Variants in STAG1 observed in about 807,000 individuals in gnomAD.
The protein encoded by STAG1 is cohesin subunit SA-1.
Under a neutral mutation model 170.9 loss-of-function variants are expected in STAG1, and 26 were observed. The observed-to-expected ratio is 0.15, with a 90% CI of 0.11 to 0.21. The LOEUF is 0.21. Ranked by LOEUF, STAG1 falls within the 10% of genes least tolerant of loss-of-function variation. The pLI is 1.00. For synonymous variants in STAG1, 514 were observed against 497.7 expected (o/e 1.03, Z -0.44); for missense variants, 964 against 1,509.5 (o/e 0.64, Z 5.99).
chr3:136,694,099 A>G (rs1942808161), intron 1 of STAG1, among the ~76,000 whole-genome samples: 1 of 152,172 alleles, frequency 6.6e-6, no homozygotes, highest in Non-Finnish European at 1.5e-5. Context: ...ATGGTTATGA[A>G]CCAGTTCATT....
chr3:136,576,951 T>C (rs978564090), intron 4 of STAG1, among the ~76,000 whole-genome samples: 1 of 152,198 alleles, frequency 6.6e-6, no homozygotes, highest in Non-Finnish European at 1.5e-5. Flanking sequence ...TTCGTTTGCT[T>C]TGGATTAAAG....
At chr3:136,546,927 G>A (rs187746236) in intron 5 of STAG1, among the ~76,000 whole-genome samples, 1 of 152,086 alleles carries the variant, frequency 6.6e-6, no homozygotes, top group South Asian at 2.1e-4. Flanking sequence ...ATGTCACTAG[G>A]GGTCCCAGAT....
intron 22 of STAG1, among the ~76,000 whole-genome samples, chr3:136,383,103 C>G (rs1938067309): frequency 6.6e-6 from 1 of 152,086 alleles, no homozygotes; most frequent in Non-Finnish European, 1.5e-5. Flanking sequence ...TTGAGGAAGG[C>G]TGCCATTACT....
intron 2 of STAG1, among the ~76,000 whole-genome samples, chr3:136,625,459 A>G (rs1435979777): frequency 1.3e-5 from 2 of 152,180 alleles, no homozygotes; most frequent in African/African-American, 4.8e-5. Flanking sequence ...CAAATTCACC[A>G]AATGCCACAT....
chr3:136,527,955 C>T (rs1303713536), intron 6 of STAG1, among the ~76,000 whole-genome samples: 1 of 152,106 alleles, frequency 6.6e-6, no homozygotes. Context: ...AGCTTCATCT[C>T]AGAGGGTTAT....
chr3:136,376,880 T>A, intron 23 of STAG1, among the ~76,000 whole-genome samples: 1 of 151,730 alleles, frequency 6.6e-6, no homozygotes, highest in Admixed American at 6.6e-5. Context: ...AACCTCTGTC[T>A]CCCGGGTTCA....
chr3:136,564,021 G>GA (rs1001396844), intron 5 of STAG1, among the ~76,000 whole-genome samples: 20 of 147,738 alleles, frequency 1.4e-4, no homozygotes, highest in South Asian at 2.2e-4. Flanking sequence ...AGACTGTCTC[G>GA]AAAAAAAAAA....
chr3:136,367,798 T>C (rs1446741579), intron 24 of STAG1, among the ~76,000 whole-genome samples: 1 of 152,156 alleles, frequency 6.6e-6, no homozygotes, highest in Non-Finnish European at 1.5e-5. Flanking sequence ...TAAAAAATTT[T>C]TAAAGCCCTA....
intron 1 of STAG1, among the ~76,000 whole-genome samples, chr3:136,643,522 G>C (rs894579891): frequency 6.6e-6 from 1 of 152,128 alleles, no homozygotes; most frequent in Non-Finnish European, 1.5e-5. Context: ...CTTCTTGTTT[G>C]TTTTGAGAAA....
At chr3:136,362,344 G>T (rs142125576) in intron 26 of STAG1, among the ~76,000 whole-genome samples, 220 of 152,022 alleles carry the variant, frequency 1.4e-3, no homozygotes, top group African/African-American at 4.9e-3. Context: ...TTTTCTATGG[G>T]ATTTATTTAT....
At chr3:136,546,903 T>A (rs1409279754) in intron 5 of STAG1, among the ~76,000 whole-genome samples, 1 of 152,240 alleles carries the variant, frequency 6.6e-6, no homozygotes, top group Non-Finnish European at 1.5e-5. Flanking sequence ...TTCTTCAACC[T>A]GTGCTTCAAA....
intron 5 of STAG1, among the ~76,000 whole-genome samples, chr3:136,549,813 T>C (rs1242521438): frequency 1.3e-5 from 2 of 152,204 alleles, no homozygotes; most frequent in African/African-American, 4.8e-5. Context: ...AAGCTTTGTA[T>C]ATATGGCCAT....
chr3:136,376,689 G>A (rs1937620135), intron 23 of STAG1, among the ~76,000 whole-genome samples: 1 of 152,210 alleles, frequency 6.6e-6, no homozygotes, highest in Admixed American at 6.5e-5. Flanking sequence ...TGGCATGCAT[G>A]TGTGAGAAAC....
At chr3:136,701,262 A>AT (rs1943051716) in intron 1 of STAG1, among the ~76,000 whole-genome samples, 1 of 152,040 alleles carries the variant, frequency 6.6e-6, no homozygotes, top group Admixed American at 6.6e-5. Context: ...TATTGTCCTT[A>AT]TTTTTTAATA....
intron 23 of STAG1, among the ~76,000 whole-genome samples, chr3:136,373,344 T>C (rs643826): frequency 1.3e-5 from 2 of 152,128 alleles, no homozygotes; most frequent in African/African-American, 4.8e-5. Flanking sequence ...GTGTCTCTAT[T>C]TCCTTCAGTT....
At chr3:136,396,520 C>CTTTT (rs146270857) in intron 22 of STAG1, among the ~76,000 whole-genome samples, 4,213 of 43,642 alleles carry the variant, frequency 0.097, 988 homozygotes, top group Non-Finnish European at 0.13. Flanking sequence ...CGCGCCTGGC[C>CTTTT]TTTTTTTTTT....
chr3:136,724,473 C>A (rs1351140850), intron 1 of STAG1, among the ~76,000 whole-genome samples: 1 of 151,802 alleles, frequency 6.6e-6, no homozygotes, highest in African/African-American at 2.4e-5. Flanking sequence ...CTGAGGAAGG[C>A]CGCAGGGTCC....
At chr3:136,340,994 C>T (rs530183044) in intron 31 of STAG1, among the ~76,000 whole-genome samples, 1 of 152,114 alleles carries the variant, frequency 6.6e-6, no homozygotes, top group Non-Finnish European at 1.5e-5. Context: ...CTACAACCTC[C>T]GCCTCCTGGA....
intron 23 of STAG1, 144 bp downstream of exon 23, chr3:136,377,516 A>G (rs531337203): frequency 1.7e-5 from 10 of 581,798 alleles, no homozygotes; most frequent in African/African-American, 1.3e-4. Flanking sequence ...ACATAAATTC[A>G]CACATCTACA....
Sources: gnomAD v4.1 joint callset for allele counts (sites outside exome capture counted in the v4.1 genomes callset) on GRCh38, gnomAD v4.1.1 for gene constraint, MANE v1.5 for transcripts, NCBI Gene and HGNC (gene_info 2026-07-23, HGNC 2026-07-21) for gene names.